STARD13: variants seen among roughly 807,000 people sequenced by gnomAD.
The protein encoded by STARD13 is StAR related lipid transfer domain containing 13.
A neutral mutation model predicts 106.4 loss-of-function variants in STARD13; 62 were observed. The observed-to-expected ratio is 0.58, with a 90% CI of 0.48 to 0.72. The LOEUF (loss-of-function observed/expected upper bound fraction) is 0.72. Among genes scored for constraint, STARD13 ranks in the 30% least tolerant of loss-of-function variants. The pLI is 0.00. For synonymous variants in STARD13, 565 were observed against 553.0 expected, an observed-to-expected ratio of 1.02 and a Z score of -0.31; for missense variants, 1,387 against 1,424.0, an observed-to-expected ratio of 0.97 and a Z score of 0.42.
chr13:33,282,006 C>A (rs1017915284), intron 1 of STARD13, among the ~76,000 whole-genome samples: 2 of 151,902 alleles, frequency 1.3e-5, no homozygotes, highest in Non-Finnish European at 2.9e-5. Context: ...TATTTTACCA[C>A]AATAAAAAAA....
chr13:33,652,403 A>G, the STARD13 span, among the ~76,000 whole-genome samples: 4 of 152,256 alleles, frequency 2.6e-5, no homozygotes, highest in Non-Finnish European at 4.4e-5. Flanking sequence ...TATGTGATAA[A>G]GTCACACATG....
chr13:33,200,758 A>G (rs1886961764), intron 1 of STARD13, among the ~76,000 whole-genome samples: 1 of 151,752 alleles, frequency 6.6e-6, no homozygotes, highest in Admixed American at 6.6e-5. Flanking sequence ...ATGGTGGCTC[A>G]CGCCTGTAAT....
At chr13:33,415,006 C>T in the STARD13 span, among the ~76,000 whole-genome samples, 1 of 152,094 alleles carries the variant, frequency 6.6e-6, no homozygotes. Context: ...TAATTTGTTA[C>T]ATGGCAATAG....
intron 1 of STARD13, among the ~76,000 whole-genome samples, chr13:33,186,243 A>T (rs1221270535): frequency 6.6e-6 from 1 of 152,198 alleles, no homozygotes; most frequent in Non-Finnish European, 1.5e-5. Context: ...AGAGAAAAGG[A>T]TTCTGTTTGG....
intron 1 of STARD13, among the ~76,000 whole-genome samples, chr13:33,315,352 C>T (rs1038464897): frequency 3.3e-5 from 5 of 152,190 alleles, no homozygotes; most frequent in Admixed American, 2.0e-4. Context: ...ATCTGAGCAT[C>T]TGGTCAATCT....
At chr13:33,284,727 A>C (rs989253256) in intron 1 of STARD13, among the ~76,000 whole-genome samples, 1 of 146,864 alleles carries the variant, frequency 6.8e-6, no homozygotes, top group Non-Finnish European at 1.5e-5. Flanking sequence ...CATGTTTTAA[A>C]TTTTTTTTTT....
chr13:33,237,173 A>T (rs1423259477), intron 1 of STARD13, among the ~76,000 whole-genome samples: 1 of 152,172 alleles, frequency 6.6e-6, no homozygotes, highest in Non-Finnish European at 1.5e-5. Context: ...TTCTGCACTC[A>T]GCCCCACTCC....
chr13:33,159,089 C>T (rs886884477), intron 3 of STARD13, among the ~76,000 whole-genome samples: 4 of 152,180 alleles, frequency 2.6e-5, no homozygotes, highest in African/African-American at 9.7e-5. Flanking sequence ...CATTTTTATA[C>T]AAGCCGGGCC....
chr13:33,390,927 C>A, the STARD13 span, among the ~76,000 whole-genome samples: 4 of 152,090 alleles, frequency 2.6e-5, no homozygotes, highest in African/African-American at 9.7e-5. Flanking sequence ...CTGGTTCCTA[C>A]TTCTGTCTTT....
chr13:33,465,298 C>T, the STARD13 span, among the ~76,000 whole-genome samples: 4 of 150,942 alleles, frequency 2.7e-5, no homozygotes, highest in African/African-American at 7.3e-5. Flanking sequence ...CTCCGCCTCC[C>T]GGGTTCACGC....
Position 33,129,804 on chromosome 13 carries a change from C to G in STARD13, c.873G>C (p.Leu291Phe). 6.2e-7 allele frequency: 1 copy of G among 1,613,666 alleles called. No homozygotes were observed. The highest frequency in any genetic ancestry group is 8.5e-7 in the Non-Finnish European group (1 of 1,180,036). ...TGGLVISGPM[L>F]QQEPESFKAM... ...CCTTAAAGGACTCTGGCTCCTGCTG[C>G]AACATGGGCCCACTGATCACCAGGC... is the stretch of plus-strand genomic sequence containing the variant. Residue 291 changes from leucine to phenylalanine, a missense_variant, in exon 5 of 14, where the codon TTG becomes TTC. By Grantham distance (22) the Leu-to-Phe change is conservative. Transcript: ENST00000336934.
intron 1 of STARD13, among the ~76,000 whole-genome samples, chr13:33,181,267 TACATACACACACAC>T (rs1393551325): frequency 7.0e-6 from 1 of 142,310 alleles, no homozygotes; most frequent in Non-Finnish European, 1.6e-5. Context: ...CACTCACACA[TACATACACACACAC>T]ACACACACAC....
chr13:33,348,501 T>G (rs929015746), downstream of STARD13: 2 of 152,472 alleles, frequency 1.3e-5, no homozygotes, highest in African/African-American at 4.8e-5. Context: ...CAGCACAGCC[T>G]TGGCAGGCCT....
At chr13:33,598,413 C>T in the STARD13 span, among the ~76,000 whole-genome samples, 1 of 152,112 alleles carries the variant, frequency 6.6e-6, no homozygotes, top group Non-Finnish European at 1.5e-5. Flanking sequence ...GATTTTAGCC[C>T]TATTTGGGTA....
chr13:33,166,793 G>A (rs1222950365), intron 2 of STARD13, among the ~76,000 whole-genome samples: 3 of 152,028 alleles, frequency 2.0e-5, no homozygotes, highest in South Asian at 2.1e-4. Flanking sequence ...TCAGGAGTTC[G>A]AGACCAGCCT....
chr13:33,318,848 C>T (rs368995858), intron 1 of STARD13, among the ~76,000 whole-genome samples: 6 of 152,156 alleles, frequency 3.9e-5, no homozygotes, highest in East Asian at 1.9e-4. Flanking sequence ...GTCAAAACCA[C>T]GATGAGATAC....
chr13:33,332,517 C>A (rs533481014), intron 1 of STARD13, among the ~76,000 whole-genome samples: 1 of 152,062 alleles, frequency 6.6e-6, no homozygotes, highest in African/African-American at 2.4e-5. Flanking sequence ...GGGGATACAA[C>A]CAGAAAACGG....
At chr13:33,663,311 A>G in the STARD13 span, among the ~76,000 whole-genome samples, 1 of 152,228 alleles carries the variant, frequency 6.6e-6, no homozygotes, top group African/African-American at 2.4e-5. Context: ...GATACTTAAA[A>G]GATCCAAAAA....
intron 8 of STARD13, among the ~76,000 whole-genome samples, chr13:33,113,702 C>A (rs1874954513): frequency 1.3e-5 from 2 of 152,172 alleles, no homozygotes; most frequent in Admixed American, 1.3e-4. Flanking sequence ...TGGGGGATGT[C>A]TGGCCCTTCT....
Sources: gnomAD v4.1 joint callset for allele counts (sites outside exome capture counted in the v4.1 genomes callset) on GRCh38, gnomAD v4.1.1 for gene constraint, MANE v1.5 for transcripts, NCBI Gene and HGNC (gene_info 2026-07-23, HGNC 2026-07-21) for gene names.